The following PRDM8 variants were observed in gnomAD, a reference collection of about 807,000 sequenced individuals.
PRDM8 encodes the protein PR/SET domain 8.
In PRDM8, 13 loss-of-function variants were observed where a neutral mutation model predicts 46.5. The ratio of observed to expected loss-of-function variants is 0.28; its 90% CI spans 0.18 to 0.44. PRDM8 has a LOEUF of 0.44. Among genes scored for constraint, PRDM8 ranks in the 20% least tolerant of loss-of-function variants. PRDM8 has a pLI of 1.00. For synonymous variants in PRDM8, 473 were observed against 438.4 expected, an observed-to-expected ratio of 1.08 and a Z score of -0.98; for missense variants, 998 against 955.0, an observed-to-expected ratio of 1.04 and a Z score of -0.59.
intron 3 of PRDM8, 61 bp downstream of exon 3, chr4:80,201,582 G>C (rs1045054262): frequency 6.5e-7 from 1 of 1,527,610 alleles, no homozygotes; most frequent in Non-Finnish European, 9.0e-7. Flanking sequence ...CGCAGGGAGC[G>C]GCAGGGGCTC....
At position 80,203,160 on chromosome 4, in the gene PRDM8, C is replaced by A. The variant is rs1738695026; in HGVS notation, c.1698C>A (p.Gly566=). ...NGGCGSLPSG[G]GGLPKQSPFL... ...GTTGCGGGTCCCTGCCGAGCGGCGG[C>A]GGCGGCCTGCCTAAGCAGAGCCCCT... The change falls in exon 4 of 4, where the codon GGC becomes GGA. Residue 566 remains glycine (G), a synonymous_variant. Transcript: ENST00000415738. 2 of 1,542,604 alleles carry A rather than the reference C, an allele frequency of 1.3e-6. No individual in the cohort carries two copies. The highest frequency in any genetic ancestry group is 8.7e-7 in the Non-Finnish European group (1 of 1,150,936).
rs1449739343 is a variant in PRDM8, at chr4:80,202,571, T to C, written c.1109T>C (p.Leu370Pro). The C allele has an allele frequency of 1.3e-6, 2 of 1,534,078 alleles. No individual in the cohort carries two copies. Among genetic ancestry groups the C allele is most frequent in the African/African-American group, 2.7e-5 (2 of 72,782 alleles). The change falls in exon 4 of 4, where the codon CTC becomes CCC. Residue 370 changes from leucine (L) to proline (P), a missense_variant. Leu to Pro is a moderately conservative substitution (Grantham distance 98). Coordinates refer to ENST00000415738, the MANE Select transcript of PRDM8 (RefSeq NM_001099403.2). The stretch of plus-strand genomic sequence containing the variant: ...TTCGGCCTGGAAGAGAACGGCCGCC[T>C]CTTCGCGCCGCCAAGTCCCGAGACG... Reference protein sequence around the residue: ...SYFGLEENGRLFAPPSPETGE... With the variant: ...SYFGLEENGRPFAPPSPETGE...
chr4:80,192,019 ACTTT>A (rs1444896363), intron 2 of PRDM8, among the ~76,000 whole-genome samples: 1 of 151,830 alleles, frequency 6.6e-6, no homozygotes, highest in African/African-American at 2.4e-5. Context: ...CTTTCTTTTT[ACTTT>A]CTTTCTCTCG....
Position 80,202,539 on chromosome 4 carries a change from C to T in PRDM8, c.1077C>T (p.Gly359=), listed in dbSNP as rs746862284. 12 of 1,535,918 alleles carry T rather than the reference C, an allele frequency of 7.8e-6. No homozygotes were observed. Among genetic ancestry groups the T allele is most frequent in the Middle Eastern group, 1.7e-4 (1 of 6,008 alleles). The change falls in exon 4 of 4, where the codon GGC becomes GGT. Residue 359 remains glycine (G), a synonymous_variant. Coordinates refer to ENST00000415738, the MANE Select transcript of PRDM8 (RefSeq NM_001099403.2). ...VCTPQQYRAS[G]SYFGLEENGR... Reference sequence around the variant, plus strand: ...CACCGCAGCAGTACCGAGCCTCGGGCAGCTACTTCGGCCTGGAAGAGAACG... The same window carrying T: ...CACCGCAGCAGTACCGAGCCTCGGGTAGCTACTTCGGCCTGGAAGAGAACG...
chr4:80,190,141 C>G (rs1178105751), intron 1 of PRDM8: 1 of 152,268 alleles, frequency 6.6e-6, no homozygotes, highest in Non-Finnish European at 1.5e-5. Flanking sequence ...TAAACGAGAT[C>G]AGGCGACCAG....
At chr4:80,193,195 C>G (rs3796599), upstream of PRDM8, among the ~76,000 whole-genome samples, 45,621 of 152,042 alleles carry the variant, frequency 0.3, 7,301 homozygotes, top group East Asian at 0.64. Context: ...ATTACCCAAC[C>G]CTGAGTCTCT....
chr4:80,191,637 T>G (rs1737554311), intron 2 of PRDM8: 1 of 152,238 alleles, frequency 6.6e-6, no homozygotes, highest in African/African-American at 2.4e-5. Flanking sequence ...CTTTGAATTT[T>G]TTTAAGGAGA....
chr4:80,202,321 A>AGCGGCAGCG lies in PRDM8; in HGVS notation c.865_873dup (p.Ser289_Gly291dup), dbSNP rs1553905774. 3.1e-6 allele frequency: 5 copies of AGCGGCAGCG among 1,601,288 alleles called. No homozygotes were observed. The highest frequency in any genetic ancestry group is 4.3e-6 in the Non-Finnish European group (5 of 1,173,618). On this transcript the variant is annotated inframe_insertion, in exon 4 of 4. Transcript: ENST00000415738. ...CCCAGCCCAGAGCCTCAGCAGCGGT[A>AGCGGCAGCG]GCGGCAGCGGCGGCGGCGGCGGCCA...
chr4:80,198,687 T>TG (rs532587283), intron 1 of PRDM8, among the ~76,000 whole-genome samples: 12 of 151,956 alleles, frequency 7.9e-5, no homozygotes, highest in African/African-American at 2.9e-4. Flanking sequence ...TTAGCTGGAA[T>TG]GGGGGGAAAA....
upstream of PRDM8, chr4:80,197,269 G>A: frequency 1.0e-6 from 1 of 982,194 alleles, no homozygotes; most frequent in African/African-American, 1.7e-5. Context: ...AGTCCCAGAG[G>A]GCCCGAGCTT....
intron 1 of PRDM8, among the ~76,000 whole-genome samples, chr4:80,199,482 A>G (rs557120458): frequency 1.3e-5 from 2 of 152,254 alleles, no homozygotes; most frequent in South Asian, 2.1e-4. Flanking sequence ...CTGACACAGA[A>G]TTAGTGGCCC....
At chr4:80,190,323 GC>G (rs1175877974) in intron 1 of PRDM8, among the ~76,000 whole-genome samples, 1 of 152,242 alleles carries the variant, frequency 6.6e-6, no homozygotes, top group African/African-American at 2.4e-5. Context: ...AATGTGGCGG[GC>G]CCTTGGGAAC....
chr4:80,190,797 A>T (rs891972380), intron 1 of PRDM8, among the ~76,000 whole-genome samples: 1 of 152,192 alleles, frequency 6.6e-6, no homozygotes, highest in Admixed American at 6.5e-5. Context: ...GAGGAGGAGC[A>T]GCTAATTCAG....
At position 80,202,193 on chromosome 4, in the gene PRDM8, G is replaced by C; in HGVS notation, c.731G>C (p.Ser244Thr). Reference protein sequence around the residue: ...HHYPSPSPESSNPSAAAGGSS... With the variant: ...HHYPSPSPESTNPSAAAGGSS... ...TACCCATCCCCCTCCCCGGAAAGCA[G>C]CAACCCATCCGCTGCCGCCGGCGGC... is the stretch of plus-strand genomic sequence containing the variant. Residue 244 changes from serine (S) to threonine (T), a missense_variant, in exon 4 of 4, where the codon AGC (serine) becomes ACC (threonine). Ser to Thr is a moderately conservative substitution (Grantham distance 58). Coordinates refer to ENST00000415738, the MANE Select transcript of PRDM8 (RefSeq NM_001099403.2). The C allele has an allele frequency of 6.2e-7, 1 of 1,612,016 alleles. No individual in the cohort carries two copies. The highest frequency in any genetic ancestry group is 1.1e-5 in the South Asian group (1 of 91,052).
At chr4:80,198,994 G>GGTT (rs1560472823) in intron 1 of PRDM8, among the ~76,000 whole-genome samples, 1 of 63,506 alleles carries the variant, frequency 1.6e-5, no homozygotes, top group Non-Finnish European at 2.4e-5. Context: ...TTTTTTTTTT[G>GGTT]TTTTTTTTTT....
At position 80,202,958 on chromosome 4, in the gene PRDM8, G is replaced by C; in HGVS notation, c.1496G>C (p.Ser499Thr). The C allele has an allele frequency of 6.7e-7, 1 of 1,486,706 alleles. No homozygotes were observed. The highest frequency in any genetic ancestry group is 8.9e-7 in the Non-Finnish European group (1 of 1,126,796). 92.1% of individuals were successfully genotyped at this position (1,486,706 alleles called of 1,614,324 possible). Residue 499 changes from serine (S) to threonine (T), a missense_variant, in exon 4 of 4, where the codon AGC becomes ACC. By Grantham distance (58) the Ser-to-Thr change is moderately conservative. Transcript: ENST00000415738. ...GQGAASDERK[S>T]AFSQPARSFS... ...GGCGCCGCGTCGGACGAGCGCAAAA[G>C]CGCCTTCTCGCAGCCAGCACGCTCT...
In PRDM8 at chr4:80,202,453, G is replaced by T; in HGVS notation, c.991G>T (p.Gly331Trp). 6.5e-7 allele frequency: 1 copy of T among 1,545,118 alleles called. No homozygotes were observed. Among genetic ancestry groups the T allele is most frequent in the Middle Eastern group, 1.7e-4 (1 of 5,772 alleles). Residue 331 changes from glycine (G) to tryptophan (W), a missense_variant, in exon 4 of 4, where the codon GGG (glycine) becomes TGG (tryptophan). Gly to Trp is a radical substitution (Grantham distance 184). Coordinates refer to ENST00000415738, the MANE Select transcript of PRDM8 (RefSeq NM_001099403.2). ...AEGGGGAGLV[G>W]GRGRFVERPL... The stretch of plus-strand genomic sequence containing the variant: ...GGGCGGCGGTGGCGCTGGTCTGGTA[G>T]GGGGCCGGGGCCGCTTCGTAGAGCG...
chr4:80,201,633 C>T, intron 3 of PRDM8, 112 bp downstream of exon 3: 1 of 1,118,260 alleles, frequency 8.9e-7, no homozygotes, highest in Middle Eastern at 2.9e-4. Flanking sequence ...TCGGGTGTCT[C>T]ATAGGAAGAT....
In PRDM8 at chr4:80,203,226, C is replaced by G. The variant is rs748241828; in HGVS notation, c.1764C>G (p.Ala588=). 1.3e-6 allele frequency: 2 copies of G among 1,554,176 alleles called. No individual in the cohort carries two copies. Among genetic ancestry groups the G allele is most frequent in the South Asian group, 1.2e-5 (1 of 85,356 alleles). The part of the protein sequence containing the change: ...ATAFWPKSSA[A]AAAAAAAAAA... ...CCTTCTGGCCCAAGAGCTCCGCTGC[C>G]GCTGCAGCCGCGGCTGCGGCGGCGG... Residue 588 remains alanine (A), a synonymous_variant, in exon 4 of 4, where the codon GCC becomes GCG. Transcript: ENST00000415738.
Sources: gnomAD v4.1 joint callset for allele counts (sites outside exome capture counted in the v4.1 genomes callset) on GRCh38, gnomAD v4.1.1 for gene constraint, MANE v1.5 for transcripts, NCBI Gene and HGNC (gene_info 2026-07-23, HGNC 2026-07-21) for gene names.